Variants in PLCD3 observed in about 807,000 individuals in gnomAD.
PLCD3 encodes the protein phospholipase C delta 3.
Under a neutral mutation model 82.8 loss-of-function variants are expected in PLCD3, and 62 were observed. The observed-to-expected ratio is 0.75, with a 90% CI of 0.61 to 0.93. The LOEUF is 0.93. Among genes scored for constraint, PLCD3 ranks in the 40% least tolerant of loss-of-function variants. The pLI, the probability that PLCD3 is intolerant of heterozygous loss-of-function variation, is 0.00. For missense variants in PLCD3, 1,023 were observed against 1,103.4 expected (o/e 0.93, Z 1.03); for synonymous variants, 478 against 471.8 (o/e 1.01, Z -0.17).
chr17:45,129,579 T>C (rs1252015603), intron 1 of PLCD3, among the ~76,000 whole-genome samples: 2 of 152,220 alleles, frequency 1.3e-5, no homozygotes, highest in Non-Finnish European at 2.9e-5. Flanking sequence ...ATTTCACCCC[T>C]CCGCCTTGAG....
chr17:45,116,632 C>T lies in PLCD3; in HGVS notation c.1413G>A (p.Glu471=). 1 of 1,587,598 alleles carries T rather than the reference C, an allele frequency of 6.3e-7. No homozygotes were observed. Among genetic ancestry groups the T allele is most frequent in the Non-Finnish European group, 8.6e-7 (1 of 1,165,314 alleles). The stretch of plus-strand genomic sequence containing the variant: ...CAGGCTAGGGGCTGGGGGGCGTCAC[C>T]TCTGGGGATGGCAGCTCCTCGGGAT... ...SPNPEELPSP[E]QLKGRVLVKG... is the part of the protein sequence containing the mutation. The change falls in exon 8 of 15, where the codon GAG becomes GAA. Residue 471 remains glutamate, a splice_region_variant and synonymous_variant. Transcript: ENST00000619929.
Position 45,121,346 on chromosome 17 carries a change from C to T in PLCD3, c.190G>A (p.Ala64Thr), listed in dbSNP as rs778883129. The T allele has an allele frequency of 5.2e-6, 8 of 1,542,198 alleles. No homozygotes were observed. Among genetic ancestry groups the T allele is most frequent in the Non-Finnish European group, 1.7e-6 (2 of 1,152,316 alleles). The change falls in exon 2 of 15, where the codon GCC becomes ACC. Residue 64 changes from alanine to threonine, a missense_variant. Ala to Thr is a moderately conservative substitution (Grantham distance 58). Around this residue, in one of 3 missense-constraint regions of PLCD3, gnomAD observed 448 missense variants for 406.3 expected, o/e 1.10. Transcript: ENST00000619929. ...MGLTEDEDVR[A>T]MLRGSRLRKI... ...CGGAGCCGGGAGCCCCGCAGCATGG[C>T]GCGCACGTCCTCGTCCTCCGTCAGG...
chr17:45,120,529 C>A, intron 3 of PLCD3, 75 bp from the exon 4 acceptor site: 2 of 1,596,704 alleles, frequency 1.3e-6, no homozygotes, highest in Non-Finnish European at 1.7e-6. Context: ...GTAAGTCACC[C>A]CCACCTGGGT....
Position 45,112,388 on chromosome 17 carries a change from C to A in PLCD3, c.*228G>T. On this transcript the variant is annotated 3_prime_UTR_variant, in exon 15 of 15. Transcript: ENST00000619929. Reference sequence around the variant, plus strand: ...GAGGAGCTGGGGCCATCTCAGGGCCCCAGGGTTGGAGCTCACTGAAGTCAC... The same window carrying A: ...GAGGAGCTGGGGCCATCTCAGGGCCACAGGGTTGGAGCTCACTGAAGTCAC... The A allele has an allele frequency of 1.8e-6, 1 of 571,136 alleles. No homozygotes were observed. The allele number at this position is 571,136 out of a possible 1,614,324, so 35.4% of individuals were successfully genotyped here.
chr17:45,120,357 T>C lies in PLCD3; in HGVS notation c.652A>G (p.Met218Val), dbSNP rs1439415321. ...KSLLRMVNVD[M>V]NDMYAYLLFK... ...AGGAGGTAGGCGTACATGTCGTTCA[T>C]GTCCACGTTGACCATTCTCAGCAGG... Residue 218 changes from methionine (M) to valine (V), a missense_variant, in exon 4 of 15, where the codon ATG becomes GTG. By Grantham distance (21) the Met-to-Val change is conservative. Coordinates refer to ENST00000619929, the MANE Select transcript of PLCD3 (RefSeq NM_133373.5). 7 of 1,613,904 alleles carry C rather than the reference T, an allele frequency of 4.3e-6. No individual in the cohort carries two copies. Among genetic ancestry groups the C allele is most frequent in the South Asian group, 3.3e-5 (3 of 91,090 alleles).
rs1177969063 is a variant in PLCD3, at chr17:45,110,268, A to AC, written c.*2347dup. 6 of 150,116 alleles carry AC rather than the reference A, an allele frequency of 4.0e-5. No homozygotes were observed. Among genetic ancestry groups the AC allele is most frequent in the African/African-American group, 1.5e-4 (6 of 40,658 alleles). 9.3% of individuals were successfully genotyped at this position (150,116 alleles called of 1,614,324 possible). A position where few individuals can be genotyped will look rare whatever the true frequency, so the allele number is the denominator to read the frequency against. On this transcript the variant is annotated 3_prime_UTR_variant, in exon 15 of 15. Transcript: ENST00000619929. ...AGACCAGCCTGGCCAACATGGTGAA[A>AC]CCCCGTCTCTACTAAAAATACAAAA...
chr17:45,122,954 CTGTG>C (rs1036787108), intron 1 of PLCD3, among the ~76,000 whole-genome samples: 19 of 149,196 alleles, frequency 1.3e-4, no homozygotes, highest in African/African-American at 4.6e-4. Flanking sequence ...GAATATAGAT[CTGTG>C]TGTGAAGCCT....
At position 45,114,943 on chromosome 17, in the gene PLCD3, G is replaced by A. The variant is rs2054276997; in HGVS notation, c.1711+151C>T. The A allele has an allele frequency of 5.1e-6, 6 of 1,180,248 alleles. No individual in the cohort carries two copies. In the Admixed American group the frequency reaches 8.4e-5, roughly 17 times the overall value. The allele number at this position is 1,180,248 out of a possible 1,614,324, so 73.1% of individuals were successfully genotyped here. On this transcript the variant is annotated intron_variant, in intron 10 of 14. Transcript: ENST00000619929. ...CACTCCCCTCCATCCACCCTGGCAT[G>A]TGCGGGGCCCTCATTCCCTCAGCCC...
rs1359164397 is a variant in PLCD3, at chr17:45,118,110, C to G, written c.1144G>C (p.Glu382Gln). ...RAFAQGCRCV[E>Q]LDCWEGPGGE... ...CCTGGCCCCTCCCAGCAGTCCAGCT[C>G]CACGCAGCGGCATCCCTGGGCAAAG... Residue 382 changes from glutamate to glutamine, a missense_variant, in exon 7 of 15, where the codon GAG becomes CAG. By Grantham distance (29) the Glu-to-Gln change is conservative (BLOSUM62 2). Coordinates refer to ENST00000619929, the MANE Select transcript of PLCD3 (RefSeq NM_133373.5). This position sits in a 1 kb window ranked among gnomAD's most constrained non-coding sequence, Gnocchi z 4.1. The G allele has an allele frequency of 6.2e-7, 1 of 1,613,956 alleles. No homozygotes were observed. Among genetic ancestry groups the G allele is most frequent in the Non-Finnish European group, 8.5e-7 (1 of 1,179,886 alleles).
chr17:45,113,409 C>T, intron 12 of PLCD3, 30 bp downstream of exon 12: 1 of 1,574,990 alleles, frequency 6.3e-7, no homozygotes, highest in South Asian at 1.2e-5. Flanking sequence ...CAGTCTGACC[C>T]CACACTGGGG....
At chr17:45,119,281 G>A (rs2054318571) in intron 4 of PLCD3, among the ~76,000 whole-genome samples, 1 of 152,186 alleles carries the variant, frequency 6.6e-6, no homozygotes, top group Admixed American at 6.5e-5. Context: ...AGGCTGGAGC[G>A]CAGTGGCATG....
intron 1 of PLCD3, among the ~76,000 whole-genome samples, chr17:45,129,783 G>A (rs1249852622): frequency 6.6e-6 from 1 of 152,194 alleles, no homozygotes; most frequent in Non-Finnish European, 1.5e-5. Flanking sequence ...GGACTGGAGG[G>A]GGGACAAAGG....
chr17:45,118,023 C>T lies in PLCD3; in HGVS notation c.1231G>A (p.Val411Ile), dbSNP rs2054304242. Residue 411 changes from valine (V) to isoleucine (I), a missense_variant, in exon 7 of 15, where the codon GTC becomes ATC. By Grantham distance (29) the Val-to-Ile change is conservative (BLOSUM62 3). This residue lies in a region of PLCD3 where 553 missense variants were observed against 655.7 expected (regional missense o/e 0.84). Transcript: ENST00000619929. The surrounding 1 kb of genome is among the most constrained non-coding windows in gnomAD (Gnocchi z 4.1). ...AAGGCATGGTCGCGCACGGCTTGGA[C>T]CACGTCCCGGAAGAGAATCTTGGAG... ...LTSKILFRDV[V>I]QAVRDHAFTL... 1 of 1,613,546 alleles carries T rather than the reference C, an allele frequency of 6.2e-7. No individual in the cohort carries two copies. The highest frequency in any genetic ancestry group is 8.5e-7 in the Non-Finnish European group (1 of 1,179,784).
chr17:45,115,510 G>A lies in PLCD3; in HGVS notation c.1414-20C>T, dbSNP rs745478456. 1.9e-6 allele frequency: 3 copies of A among 1,595,668 alleles called. No individual in the cohort carries two copies. Among genetic ancestry groups the A allele is most frequent in the Non-Finnish European group, 2.6e-6 (3 of 1,170,886 alleles). On this transcript the variant is annotated intron_variant, in intron 8 of 14. Coordinates refer to ENST00000619929, the MANE Select transcript of PLCD3 (RefSeq NM_133373.5). ...CAGCTGCTGTGGGGGCCAACGTGGA[G>A]GATGAAGGGTTAGGCCTTCTCGCCC...
Position 45,118,226 on chromosome 17 carries a change from A to T in PLCD3, c.1115+65T>A, listed in dbSNP as rs959678770. The T allele has an allele frequency of 2.5e-6, 4 of 1,611,150 alleles. No homozygotes were observed. The Admixed American group carries it at 6.7e-5, about 27-fold the overall frequency. On this transcript the variant is annotated intron_variant, in intron 6 of 14. Coordinates refer to ENST00000619929, the MANE Select transcript of PLCD3 (RefSeq NM_133373.5). This position sits in a 1 kb window ranked among gnomAD's most constrained non-coding sequence, Gnocchi z 4.1. The stretch of plus-strand genomic sequence containing the variant: ...AGGCAGGCTGGGCCAGGAAGGCCCC[A>T]GGAAGCCAGCCCATGTCTCTCCCCA...
chr17:45,121,419 G>C, intron 1 of PLCD3, 47 bp from the exon 2 acceptor site: 1 of 1,450,290 alleles, frequency 6.9e-7, no homozygotes, highest in Non-Finnish European at 9.0e-7. Flanking sequence ...CCTGCCCAGA[G>C]GCTCCCCTGC....
rs745649447 is a variant in PLCD3, at chr17:45,121,023, C to T, written c.433G>A (p.Gly145Ser). The change falls in exon 3 of 15, where the codon GGC becomes AGC. Residue 145 changes from glycine (G) to serine (S), a missense_variant. Around this residue, in one of 3 missense-constraint regions of PLCD3, gnomAD observed 448 missense variants for 406.3 expected, o/e 1.10. Transcript: ENST00000619929. Reference protein sequence around the residue: ...PARCLTIAFKGRRKNLDLAAP... With the variant: ...PARCLTIAFKSRRKNLDLAAP... ...GCCAGGTCCAGGTTCTTGCGGCGGC[C>T]CTTGAAGGCGATGGTGAGGCAGCGC... The T allele has an allele frequency of 1.9e-6, 3 of 1,540,340 alleles. No individual in the cohort carries two copies. The highest frequency in any genetic ancestry group is 2.6e-6 in the Non-Finnish European group (3 of 1,150,544).
At chr17:45,123,187 C>T (rs1378134204) in intron 1 of PLCD3, among the ~76,000 whole-genome samples, 1 of 152,112 alleles carries the variant, frequency 6.6e-6, no homozygotes, top group African/African-American at 2.4e-5. Context: ...ACCATCTCCT[C>T]TCACCCTCTC....
chr17:45,125,917 G>A (rs562050401), intron 1 of PLCD3, among the ~76,000 whole-genome samples: 1 of 152,300 alleles, frequency 6.6e-6, no homozygotes, highest in South Asian at 2.1e-4. Flanking sequence ...TTTCTGTTTG[G>A]ATGATGAAAA....
Sources: gnomAD v4.1 joint callset for allele counts (sites outside exome capture counted in the v4.1 genomes callset) on GRCh38, gnomAD v4.1.1 for gene constraint, gnomAD v4.1.1 regional missense constraint, Gnocchi (gnomAD v3.1) non-coding constraint, MANE v1.5 for transcripts, NCBI Gene and HGNC (gene_info 2026-07-23, HGNC 2026-07-21) for gene names.